SIMC1: variants seen among roughly 807,000 people sequenced by gnomAD.
SIMC1 encodes SUMO interacting motifs containing 1.
A neutral mutation model predicts 82.3 loss-of-function variants in SIMC1; 55 were observed. That is an observed-to-expected ratio of 0.67 (90% CI 0.54 to 0.84). The LOEUF (loss-of-function observed/expected upper bound fraction) is 0.84, where lower values mean the gene tolerates loss of function less well. Among genes scored for constraint, SIMC1 ranks in the 40% least tolerant of loss-of-function variants. The pLI is 0.00. For missense variants in SIMC1, 915 were observed against 1,107.2 expected (o/e 0.83, Z 2.46); for synonymous variants, 353 against 426.3 (o/e 0.83, Z 2.12).
At chr5:176,339,319 G>A (rs1481475957) in intron 9 of SIMC1, among the ~76,000 whole-genome samples, 8 of 152,052 alleles carry the variant, frequency 5.3e-5, no homozygotes, top group Admixed American at 3.9e-4. Context: ...AGCCAAGATC[G>A]TACCACTACA....
Position 176,240,757 on chromosome 5 carries a change from A to C in SIMC1, c.129+2120A>C, listed in dbSNP as rs1324748895. 4.3e-5 allele frequency among the ~76,000 whole-genome samples: 4 copies of C among 92,808 alleles called. 1 individual carries two copies. The highest frequency in any genetic ancestry group is 1.6e-4 in the African/African-American group (4 of 24,262). The allele number at this position is 92,808 out of a possible 152,430, so 60.9% of individuals were successfully genotyped here. The stretch of plus-strand genomic sequence containing the variant: ...TGAGGTCAGAGAGACTTCTGAATCA[A>C]TATCTCCAGCATAGCAACTATTTGA... On this transcript the variant is annotated intron_variant, in intron 1 of 9. Transcript: ENST00000429602.
chr5:176,330,784 G>A (rs1765613901), intron 7 of SIMC1, among the ~76,000 whole-genome samples: 1 of 152,128 alleles, frequency 6.6e-6, no homozygotes, highest in Admixed American at 6.5e-5. Flanking sequence ...ATTCAGACGT[G>A]AATGGATACT....
intron 4 of SIMC1, 25 bp downstream of exon 4, chr5:176,296,345 C>G (rs771914930): frequency 5.6e-6 from 9 of 1,612,662 alleles, no homozygotes; most frequent in East Asian, 2.2e-5. Context: ...AAGATTATAT[C>G]TTCTGTAGGG....
chr5:176,320,260 A>T (rs945848489), intron 5 of SIMC1, among the ~76,000 whole-genome samples: 1 of 152,140 alleles, frequency 6.6e-6, no homozygotes, highest in African/African-American at 2.4e-5. Flanking sequence ...CACAAAGTTA[A>T]CTTGTAGTCT....
At chr5:176,292,284 A>G (rs1210092277) in intron 2 of SIMC1, among the ~76,000 whole-genome samples, 1 of 152,148 alleles carries the variant, frequency 6.6e-6, no homozygotes, top group Non-Finnish European at 1.5e-5. Context: ...GTTAGGGAAA[A>G]TAACTGGCTA....
At chr5:176,281,241 C>T (rs1206390094) in intron 1 of SIMC1, among the ~76,000 whole-genome samples, 3 of 152,270 alleles carry the variant, frequency 2.0e-5, no homozygotes, top group Non-Finnish European at 2.9e-5. Context: ...GAGGCTTCTG[C>T]ATGCTTCACG....
chr5:176,286,789 A>G (rs960536505), intron 1 of SIMC1, among the ~76,000 whole-genome samples: 1 of 152,240 alleles, frequency 6.6e-6, no homozygotes, highest in Non-Finnish European at 1.5e-5. Flanking sequence ...TTTACAAGAA[A>G]AAATCAACCC....
At chr5:176,313,308 G>A (rs1368014274) in intron 4 of SIMC1, 2 of 1,460,486 alleles carry the variant, frequency 1.4e-6, no homozygotes, top group Admixed American at 5.4e-5. Flanking sequence ...TAGGTTCAGT[G>A]AGAGGGAGAG....
intron 7 of SIMC1, among the ~76,000 whole-genome samples, chr5:176,334,535 A>G (rs1165313573): frequency 1.3e-5 from 2 of 152,136 alleles, no homozygotes; most frequent in Non-Finnish European, 2.9e-5. Context: ...GCAACCCCCC[A>G]GTAGCTGTTC....
chr5:176,291,972 C>T (rs1039957622), intron 2 of SIMC1, among the ~76,000 whole-genome samples: 1 of 152,146 alleles, frequency 6.6e-6, no homozygotes, highest in Non-Finnish European at 1.5e-5. Context: ...AGGAGAATCA[C>T]CTGAATCTGG....
intron 1 of SIMC1, among the ~76,000 whole-genome samples, chr5:176,276,160 G>T (rs563959664): frequency 5.3e-5 from 8 of 151,568 alleles, no homozygotes; most frequent in Non-Finnish European, 1.2e-4. Context: ...TCCTGCTATT[G>T]GTCTGTTCAG....
chr5:176,275,132 T>C (rs1283752184), intron 1 of SIMC1, among the ~76,000 whole-genome samples: 1 of 151,540 alleles, frequency 6.6e-6, no homozygotes, highest in African/African-American at 2.4e-5. Flanking sequence ...TCCATTTGTT[T>C]GTATCCTCTT....
chr5:176,323,061 G>A (rs1765232082), intron 6 of SIMC1, among the ~76,000 whole-genome samples: 1 of 152,044 alleles, frequency 6.6e-6, no homozygotes, highest in Non-Finnish European at 1.5e-5. Context: ...AGTCACACTG[G>A]GCATTTCAAA....
At chr5:176,328,494 C>T (rs1273647737) in intron 7 of SIMC1, among the ~76,000 whole-genome samples, 1 of 151,740 alleles carries the variant, frequency 6.6e-6, no homozygotes, top group African/African-American at 2.4e-5. Context: ...GCTGTAAACA[C>T]TTTTTAGAGT....
Position 176,288,521 on chromosome 5 carries a change from C to G in SIMC1, c.130-1133C>G, listed in dbSNP as rs1382591300. On this transcript the variant is annotated intron_variant, in intron 1 of 9. Transcript: ENST00000429602. ...TATGGGAGAGGAGTTGAGTTCAGAC[C>G]TTTGATGGCCTTTCAGCTATTTATG... 2.0e-5 allele frequency among the ~76,000 whole-genome samples: 3 copies of G among 152,182 alleles called. No individual in the cohort carries two copies. In the East Asian group the frequency reaches 5.8e-4, roughly 29 times the overall value.
intron 6 of SIMC1, 74 bp downstream of exon 6, chr5:176,322,499 A>G: frequency 6.9e-7 from 1 of 1,443,160 alleles, no homozygotes; most frequent in East Asian, 2.5e-5. Context: ...CCAATCCCTA[A>G]GAGCAGCTTC....
rs1015245497 is a variant in SIMC1 at position 176,326,552 on chromosome 5, T to A, written c.2171+1795T>A. ...CCAACCTTATTTATTTTTCTTATAA[T>A]GTTATCCCTATTTATTTATTTATTT... On this transcript the variant is annotated intron_variant, in intron 7 of 9. Transcript: ENST00000429602. 7.3e-5 allele frequency among the ~76,000 whole-genome samples: 11 copies of A among 150,628 alleles called. No homozygotes were observed. In the Admixed American group the frequency reaches 7.4e-4, roughly 10 times the overall value.
At chr5:176,271,862 TATATATA>T (rs1380036255) in intron 1 of SIMC1, among the ~76,000 whole-genome samples, 3 of 145,248 alleles carry the variant, frequency 2.1e-5, no homozygotes, top group African/African-American at 2.5e-5. Context: ...AGATATATAT[TATATATA>T]ATATATAATT....
intron 1 of SIMC1, among the ~76,000 whole-genome samples, chr5:176,286,385 G>A (rs989210572): frequency 9.9e-5 from 15 of 152,284 alleles, no homozygotes; most frequent in Admixed American, 2.0e-4. Flanking sequence ...AAGCAATGGG[G>A]AAAGGATTCC....
Sources: allele counts gnomAD v4.1 joint callset (sites outside exome capture counted in the v4.1 genomes callset), GRCh38; gene constraint gnomAD v4.1.1; transcripts MANE v1.5; gene names NCBI Gene and HGNC (gene_info 2026-07-23, HGNC 2026-07-21).